The following SOX13 variants were observed in gnomAD, a reference collection of about 807,000 sequenced individuals.
The protein encoded by SOX13 is transcription factor SOX-13.
SOX13 carries 28 observed loss-of-function variants against 71.8 expected under a neutral mutation model. The ratio of observed to expected loss-of-function variants is 0.39; its 90% CI spans 0.29 to 0.53. The LOEUF is 0.53. Among genes scored for constraint, SOX13 ranks in the 20% least tolerant of loss-of-function variants. The pLI is 0.70. For synonymous variants in SOX13, 309 were observed against 317.8 expected (o/e 0.97, Z 0.29); for missense variants, 627 against 810.3 (o/e 0.77, Z 2.75).
intron 1 of SOX13, among the ~76,000 whole-genome samples, chr1:204,106,336 T>G (rs187931924): frequency 6.6e-6 from 1 of 152,212 alleles, no homozygotes; most frequent in South Asian, 2.1e-4. Flanking sequence ...CCTAACAGTA[T>G]CCATCACCTG....
chr1:204,103,685 G>C (rs1174399084), intron 1 of SOX13, among the ~76,000 whole-genome samples: 1 of 152,250 alleles, frequency 6.6e-6, no homozygotes, highest in Non-Finnish European at 1.5e-5. Context: ...GCTGGGCACT[G>C]TCCCTGCAGG....
At chr1:204,122,063 G>T in intron 8 of SOX13, 78 bp downstream of exon 8, 1 of 1,113,672 alleles carries the variant, frequency 9.0e-7, no homozygotes, top group Non-Finnish European at 1.3e-6. Context: ...GAACTGCGGG[G>T]TGTGGACTGG....
intron 1 of SOX13, among the ~76,000 whole-genome samples, chr1:204,101,341 G>C (rs1488293544): frequency 6.6e-6 from 1 of 152,050 alleles, no homozygotes; most frequent in Non-Finnish European, 1.5e-5. Context: ...CTCACAGATG[G>C]GTAGAGGCTG....
chr1:204,114,560 G>A lies in SOX13; in HGVS notation c.373G>A (p.Glu125Lys). ...IEKLLSSDWKERFLGRNSMEA... is the reference protein window; with the variant it reads ...IEKLLSSDWKKRFLGRNSMEA... ...GAAGCTGTTGTCCAGTGACTGGAAG[G>A]AGAGGTTTCTAGGAAGGAACTCTAT... The change falls in exon 4 of 14, where the codon GAG becomes AAG. Residue 125 changes from glutamate (E) to lysine (K), a missense_variant. Transcript: ENST00000367204. 1 of 1,613,954 alleles carries A rather than the reference G, an allele frequency of 6.2e-7. No homozygotes were observed. Among genetic ancestry groups the A allele is most frequent in the Non-Finnish European group, 8.5e-7 (1 of 1,179,836 alleles).
At chr1:204,096,397 C>G (rs952267408) in intron 1 of SOX13, among the ~76,000 whole-genome samples, 1 of 151,370 alleles carries the variant, frequency 6.6e-6, no homozygotes, top group Non-Finnish European at 1.5e-5. Context: ...TGCCACCATG[C>G]CCAGCTGATT....
intron 8 of SOX13, 72 bp from the exon 9 acceptor site, chr1:204,122,165 A>G: frequency 7.5e-7 from 1 of 1,335,236 alleles, no homozygotes; most frequent in Non-Finnish European, 1.0e-6. Context: ...TGCTCACCTC[A>G]CTTCCTCTCT....
intron 1 of SOX13, among the ~76,000 whole-genome samples, chr1:204,110,695 C>CA (rs556088452): frequency 1.7e-3 from 258 of 152,138 alleles, no homozygotes; most frequent in African/African-American, 6.1e-3. Flanking sequence ...TACATGTACT[C>CA]TATTATATAC....
At position 204,081,255 on chromosome 1, in the gene SOX13, TTTC is replaced by T. The variant is rs149195039; in HGVS notation, c.-2+7547_-2+7549del. Among the ~76,000 whole-genome samples the T allele has an allele frequency of 0.073, 11,189 of 152,248 alleles. 494 individuals carry two copies. Among genetic ancestry groups the T allele is most frequent in the Middle Eastern group, 0.099 (29 of 294 alleles). On this transcript the variant is annotated intron_variant, in intron 1 of 13. Coordinates refer to ENST00000367204, the MANE Select transcript of SOX13 (RefSeq NM_005686.3). The surrounding 1 kb of genome is among the most constrained non-coding windows in gnomAD (Gnocchi z 4.3). The stretch of plus-strand genomic sequence containing the variant: ...TTTAAAGATCGTGGCTCATATTCGT[TTTC>T]TTATTTCTGTAGTCTCTAAGAGTAA...
At chr1:204,078,759 C>A (rs11240658) in intron 1 of SOX13, among the ~76,000 whole-genome samples, 1 of 152,148 alleles carries the variant, frequency 6.6e-6, no homozygotes, top group Non-Finnish European at 1.5e-5. Context: ...TCGGTGACTA[C>A]CCCCCTTTTG....
intron 1 of SOX13, among the ~76,000 whole-genome samples, chr1:204,095,237 T>C (rs187608162): frequency 6.4e-4 from 97 of 152,286 alleles, no homozygotes; most frequent in African/African-American, 2.3e-3. Flanking sequence ...GGGGAAAGGA[T>C]TTCCAGGAAA....
At chr1:204,076,386 G>T (rs113528521) in intron 1 of SOX13, among the ~76,000 whole-genome samples, 1 of 152,194 alleles carries the variant, frequency 6.6e-6, no homozygotes, top group African/African-American at 2.4e-5. Context: ...GAGGAGCCCT[G>T]CTCCCTGGGT....
At chr1:204,122,642 A>T in intron 9 of SOX13, 1 of 602,522 alleles carries the variant, frequency 1.7e-6, no homozygotes, top group East Asian at 2.8e-5. Context: ...TGTCATTTCT[A>T]GTCTATTGAC....
At position 204,125,918 on chromosome 1, in the gene SOX13, C is replaced by T. The variant is rs1487501303; in HGVS notation, c.1653C>T (p.Gly551=). Residue 551 remains glycine (G), a synonymous_variant, in exon 14 of 14, where the codon GGC becomes GGT. Transcript: ENST00000367204. ...SSDVLYPRAA[G]MPLAQPLVEH... ...ATGTCCTGTACCCTCGGGCAGCAGG[C>T]ATGCCGCTGGCACAGCCACTGGTGG... 2 of 1,613,488 alleles carry T rather than the reference C, an allele frequency of 1.2e-6. No homozygotes were observed. The highest frequency in any genetic ancestry group is 1.7e-6 in the Non-Finnish European group (2 of 1,179,758).
intron 13 of SOX13, among the ~76,000 whole-genome samples, chr1:204,125,087 G>A (rs1412688454): frequency 6.6e-6 from 1 of 152,178 alleles, no homozygotes; most frequent in Non-Finnish European, 1.5e-5. Flanking sequence ...ATGTAGGAAT[G>A]TGACTGGAGG....
intron 4 of SOX13, among the ~76,000 whole-genome samples, chr1:204,115,469 G>A (rs1324552955): frequency 3.6e-5 from 4 of 110,046 alleles, no homozygotes; most frequent in East Asian, 3.0e-4. Context: ...GAGTGATTCC[G>A]ATGTTGTTTT....
chr1:204,113,147 G>A lies in SOX13; in HGVS notation c.219+13G>A, dbSNP rs781532799. The A allele has an allele frequency of 2.7e-5, 41 of 1,520,830 alleles. No homozygotes were observed. The highest frequency in any genetic ancestry group is 2.2e-4 in the Middle Eastern group (1 of 4,594). The allele number at this position is 1,520,830 out of a possible 1,614,324, so 94.2% of individuals were successfully genotyped here. A position where few individuals can be genotyped will look rare whatever the true frequency, so the allele number is the denominator to read the frequency against. ...CAGGGGCTCCTGGGTCAGTGTCCCC[G>A]CCCTGCCTCCATCCTCACACCCATG... On this transcript the variant is annotated intron_variant, in intron 2 of 13. Coordinates refer to ENST00000367204, the MANE Select transcript of SOX13 (RefSeq NM_005686.3).
At chr1:204,090,497 C>T (rs112329233) in intron 1 of SOX13, among the ~76,000 whole-genome samples, 1,765 of 151,534 alleles carry the variant, frequency 0.012, 37 homozygotes, top group African/African-American at 0.042. Context: ...CAACCTCCGC[C>T]TCCAGGGTTC....
rs1656830873 is a variant in SOX13 at position 204,122,516 on chromosome 1, G to A, written c.1024+117G>A. 26 of 791,212 alleles carry A rather than the reference G, an allele frequency of 3.3e-5. No homozygotes were observed. In the South Asian group the frequency reaches 4.2e-4, roughly 13 times the overall value. 49.0% of individuals were successfully genotyped at this position (791,212 alleles called of 1,614,324 possible). ...TGGGTTCCAGATTTTATCAAATGAG[G>A]GGTTAGACTTGCTCTTAGCAGAAGA... On this transcript the variant is annotated intron_variant, in intron 9 of 13. Coordinates refer to ENST00000367204, the MANE Select transcript of SOX13 (RefSeq NM_005686.3).
At chr1:204,090,036 T>TA (rs1335584510) in intron 1 of SOX13, among the ~76,000 whole-genome samples, 19 of 152,138 alleles carry the variant, frequency 1.2e-4, no homozygotes, top group Admixed American at 1.2e-3. Flanking sequence ...GCCTCTGCCT[T>TA]ATGGCTGGGC....
Sources: allele counts gnomAD v4.1 joint callset (sites outside exome capture counted in the v4.1 genomes callset), GRCh38; gene constraint gnomAD v4.1.1; non-coding constraint Gnocchi (gnomAD v3.1); transcripts MANE v1.5; gene names NCBI Gene and HGNC (gene_info 2026-07-23, HGNC 2026-07-21).